The following RIMKLB variants were observed in gnomAD, a reference collection of about 807,000 sequenced individuals.
RIMKLB encodes the protein beta-citrylglutamate synthase B.
A neutral mutation model predicts 32.0 loss-of-function variants in RIMKLB; 7 were observed. The observed-to-expected ratio is 0.22, with a 90% CI of 0.12 to 0.41. RIMKLB has a LOEUF of 0.41. RIMKLB is among the 10% of genes least tolerant of loss of function. RIMKLB has a pLI of 1.00. For missense variants in RIMKLB, 289 were observed against 498.7 expected (o/e 0.58, Z 4.00); for synonymous variants, 172 against 185.1 (o/e 0.93, Z 0.57).
chr12:8,756,063 G>A (rs754269945), intron 5 of RIMKLB, among the ~76,000 whole-genome samples: 29 of 151,590 alleles, frequency 1.9e-4, no homozygotes, highest in Middle Eastern at 3.4e-3. Flanking sequence ...GCTGAGGCAT[G>A]AGAATCTCTT....
chr12:8,765,721 T>C (rs1404955641), intron 5 of RIMKLB, among the ~76,000 whole-genome samples: 2 of 152,148 alleles, frequency 1.3e-5, no homozygotes, highest in Non-Finnish European at 2.9e-5. Context: ...TGTTTACCCC[T>C]TTGTCTATCT....
intron 2 of RIMKLB, among the ~76,000 whole-genome samples, chr12:8,739,100 G>C (rs1253732836): frequency 6.6e-6 from 1 of 152,136 alleles, no homozygotes; most frequent in Non-Finnish European, 1.5e-5. Context: ...GATGATCTTA[G>C]TTTGGGCTGC....
At chr12:8,690,089 T>C (rs1162866885) in intron 1 of RIMKLB, among the ~76,000 whole-genome samples, 1 of 152,142 alleles carries the variant, frequency 6.6e-6, no homozygotes, top group Admixed American at 6.6e-5. Flanking sequence ...TGTCAGTGGG[T>C]CCCTTTTTAA....
At chr12:8,693,306 A>G (rs1403948520), upstream of RIMKLB, among the ~76,000 whole-genome samples, 1 of 152,098 alleles carries the variant, frequency 6.6e-6, no homozygotes, top group Non-Finnish European at 1.5e-5. Flanking sequence ...TAAACCCTCA[A>G]TTTTATAGGC....
intron 1 of RIMKLB, among the ~76,000 whole-genome samples, chr12:8,688,900 T>C (rs1942656758): frequency 6.6e-6 from 1 of 152,128 alleles, no homozygotes; most frequent in Non-Finnish European, 1.5e-5. Flanking sequence ...AGTGGCACGA[T>C]CTCGGCTCAC....
At chr12:8,768,251 G>A (rs1401582689) in intron 5 of RIMKLB, among the ~76,000 whole-genome samples, 2 of 152,364 alleles carry the variant, frequency 1.3e-5, no homozygotes, top group East Asian at 3.9e-4. Context: ...AGCAATGGGT[G>A]CCTCACTGGA....
rs146878707 is a variant in RIMKLB, at chr12:8,774,488, A to G, written c.*704A>G. The G allele has an allele frequency of 1.0e-6, 1 of 982,740 alleles. No individual in the cohort carries two copies. The highest frequency in any genetic ancestry group is 1.2e-6 in the Non-Finnish European group (1 of 827,220). The allele number at this position is 982,740 out of a possible 1,614,324, so 60.9% of individuals were successfully genotyped here. A position where few individuals can be genotyped will look rare whatever the true frequency, so the allele number is the denominator to read the frequency against. On this transcript the variant is annotated 3_prime_UTR_variant, in exon 6 of 6. Coordinates refer to ENST00000535829, the MANE Select transcript of RIMKLB (RefSeq NM_001297776.2). ...AATAACATTAATTCAATGTAGATAA[A>G]ATTACACTAGTTTAAAATATGTGCA...
At chr12:8,700,429 AG>A (rs1565549719) in intron 1 of RIMKLB, 1 of 152,284 alleles carries the variant, frequency 6.6e-6, no homozygotes, top group Non-Finnish European at 1.5e-5. Context: ...GAACACTAGT[AG>A]GGGATGGGGA....
At chr12:8,765,858 A>T (rs1158417483) in intron 5 of RIMKLB, among the ~76,000 whole-genome samples, 1 of 152,136 alleles carries the variant, frequency 6.6e-6, no homozygotes, top group Non-Finnish European at 1.5e-5. Flanking sequence ...TCTTAATGAA[A>T]AGAAAGTTTG....
At chr12:8,671,916 C>CAAAAA in the RIMKLB span, among the ~76,000 whole-genome samples, 1 of 146,978 alleles carries the variant, frequency 6.8e-6, no homozygotes, top group Non-Finnish European at 1.5e-5. Context: ...CATCTCAAAA[C>CAAAAA]AAAACAAAAC....
intron 1 of RIMKLB, among the ~76,000 whole-genome samples, chr12:8,689,577 C>T (rs1013369058): frequency 5.9e-5 from 9 of 152,086 alleles, no homozygotes; most frequent in Non-Finnish European, 8.8e-5. Context: ...TTTTTTCCAT[C>T]TGCCTCTCTT....
rs1396827992 is a variant in RIMKLB, at chr12:8,687,822, A to AAG, written n.219+6005_219+6006insGA. Among the ~76,000 whole-genome samples the AAG allele has an allele frequency of 4.9e-3, 692 of 140,192 alleles. 2 individuals are homozygous for AAG. The highest frequency in any genetic ancestry group is 0.019 in the African/African-American group (656 of 35,430). 92.0% of individuals were successfully genotyped at this position (140,192 alleles called of 152,430 possible). ...TAGAGCAAGTTCCAAGTCAGGAAGA[A>AAG]AAAAAAAAAAAAAAAAAAAGCAGGT... On this transcript the variant is annotated intron_variant and non_coding_transcript_variant, in intron 1 of 1. Coordinates refer to the RIMKLB transcript ENST00000538758.
chr12:8,728,788 TTTTTGTTTG>T (rs1946275160), intron 2 of RIMKLB, among the ~76,000 whole-genome samples: 2 of 149,684 alleles, frequency 1.3e-5, no homozygotes, highest in African/African-American at 5.0e-5. Context: ...TGTGTGTGTG[TTTTTGTTTG>T]TTTGTTTGTT....
chr12:8,708,735 C>G (rs1944114034), intron 1 of RIMKLB, among the ~76,000 whole-genome samples: 1 of 152,164 alleles, frequency 6.6e-6, no homozygotes, highest in Admixed American at 6.5e-5. Context: ...AAACAAATGT[C>G]TGCTTATTTC....
upstream of RIMKLB, among the ~76,000 whole-genome samples, chr12:8,679,958 A>G (rs1218111446): frequency 6.6e-6 from 1 of 152,212 alleles, no homozygotes; most frequent in East Asian, 1.9e-4. Flanking sequence ...TACAAAATAC[A>G]GGTCATAAAG....
chr12:8,756,456 A>T (rs962658655), intron 5 of RIMKLB, among the ~76,000 whole-genome samples: 9 of 152,172 alleles, frequency 5.9e-5, no homozygotes, highest in Non-Finnish European at 1.3e-4. Context: ...ATGTTCATTT[A>T]AAAAGGCAAG....
At chr12:8,695,049 A>C (rs753395301), upstream of RIMKLB, among the ~76,000 whole-genome samples, 7 of 152,182 alleles carry the variant, frequency 4.6e-5, no homozygotes, top group Non-Finnish European at 8.8e-5. Context: ...CTGATGAGAA[A>C]ACTGAGGTTT....
chr12:8,689,611 G>A (rs1441764722), intron 1 of RIMKLB, among the ~76,000 whole-genome samples: 1 of 151,496 alleles, frequency 6.6e-6, no homozygotes, highest in Non-Finnish European at 1.5e-5. Context: ...TCTCTGTCAC[G>A]TTTCCCTGGA....
intron 1 of RIMKLB, among the ~76,000 whole-genome samples, chr12:8,707,105 A>T (rs1293100232): frequency 6.6e-6 from 1 of 152,188 alleles, no homozygotes; most frequent in African/African-American, 2.4e-5. Flanking sequence ...CAATCAACAC[A>T]GAAGATCCAC....
Sources: allele counts gnomAD v4.1 joint callset (sites outside exome capture counted in the v4.1 genomes callset), GRCh38; gene constraint gnomAD v4.1.1; transcripts MANE v1.5; gene names NCBI Gene and HGNC (gene_info 2026-07-23, HGNC 2026-07-21).